The following HIVEP2 variants were observed in gnomAD, a reference collection of about 807,000 sequenced individuals.
The protein encoded by HIVEP2 is transcription factor HIVEP2.
In HIVEP2, 14 loss-of-function variants were observed where a neutral mutation model predicts 180.7. The ratio of observed to expected loss-of-function variants is 0.08; its 90% CI spans 0.05 to 0.12. HIVEP2 has a LOEUF of 0.12. Among genes scored for constraint, HIVEP2 ranks in the 10% least tolerant of loss-of-function variants. HIVEP2 has a pLI of 1.00. For synonymous variants in HIVEP2, 1,184 were observed against 1,136.4 expected (o/e 1.04, Z -0.84); for missense variants, 2,579 against 3,008.5 (o/e 0.86, Z 3.34).
Position 142,760,577 on chromosome 6 carries a change from T to C in HIVEP2, c.5711A>G (p.Asp1904Gly). Residue 1904 changes from aspartate to glycine, a missense_variant, in exon 9 of 10, where the codon GAT becomes GGT. This residue lies in a region of HIVEP2 where 660 missense variants were observed against 731.7 expected (regional missense o/e 0.90). Transcript: ENST00000367603. ...ATCATTATCATCTCCATCCTCACCATCTGATTCCTCAGCATCGGAGAACTG... is the reference window on the plus strand; with the variant it reads ...ATCATTATCATCTCCATCCTCACCACCTGATTCCTCAGCATCGGAGAACTG... ...DHQFSDAEESDGEDGDDNDDD... is the reference protein window; with the variant it reads ...DHQFSDAEESGGEDGDDNDDD... 1 of 1,613,516 alleles carries C rather than the reference T, an allele frequency of 6.2e-7. No homozygotes were observed. The highest frequency in any genetic ancestry group is 8.5e-7 in the Non-Finnish European group (1 of 1,179,456).
chr6:142,869,523 T>C (rs1776236022), intron 1 of HIVEP2, among the ~76,000 whole-genome samples: 2 of 152,146 alleles, frequency 1.3e-5, no homozygotes, highest in South Asian at 4.1e-4. Context: ...TTAAAATTTG[T>C]TTTCAGTATT....
At chr6:142,902,446 T>C (rs1409245494) in intron 1 of HIVEP2, among the ~76,000 whole-genome samples, 1 of 152,222 alleles carries the variant, frequency 6.6e-6, no homozygotes, top group Non-Finnish European at 1.5e-5. Context: ...ATATTAAATA[T>C]TTTTAAAGTG....
chr6:142,869,049 G>C (rs1237122973), intron 1 of HIVEP2, among the ~76,000 whole-genome samples: 15 of 152,124 alleles, frequency 9.9e-5, no homozygotes. Context: ...GGGGATATTT[G>C]GCAATGTCTG....
intron 1 of HIVEP2, among the ~76,000 whole-genome samples, chr6:142,869,973 C>A (rs1441562649): frequency 6.6e-6 from 1 of 152,028 alleles, no homozygotes; most frequent in African/African-American, 2.4e-5. Flanking sequence ...TCCAAAGTGG[C>A]CCTTCACAGA....
intron 1 of HIVEP2, among the ~76,000 whole-genome samples, chr6:142,929,032 G>A (rs189355031): frequency 1.3e-5 from 2 of 152,306 alleles, no homozygotes; most frequent in African/African-American, 4.8e-5. Context: ...TTTCCTGAAT[G>A]ATCTTACACC....
At chr6:142,832,077 A>T (rs1041549628) in intron 2 of HIVEP2, among the ~76,000 whole-genome samples, 3 of 151,956 alleles carry the variant, frequency 2.0e-5, no homozygotes, top group African/African-American at 7.3e-5. Context: ...CCTGTATACC[A>T]GCTACTAGGG....
At position 142,759,894 on chromosome 6, in the gene HIVEP2, T is replaced by C; in HGVS notation, c.6394A>G (p.Arg2132Gly). ...DITARRDLSP[R>G]RERRYMTTIR... The stretch of plus-strand genomic sequence containing the variant: ...GTGGTCATGTATCTTCTCTCTCTTC[T>C]AGGAGAGAGGTCTCTTCTTGCTGTG... Residue 2132 changes from arginine (R) to glycine (G), a missense_variant, in exon 9 of 10, where the codon AGA becomes GGA. Transcript: ENST00000367603. 1 of 1,614,106 alleles carries C rather than the reference T, an allele frequency of 6.2e-7. No individual in the cohort carries two copies. Among genetic ancestry groups the C allele is most frequent in the Non-Finnish European group, 8.5e-7 (1 of 1,179,964 alleles).
At chr6:142,883,865 T>A (rs1233673253) in intron 1 of HIVEP2, among the ~76,000 whole-genome samples, 2 of 152,208 alleles carry the variant, frequency 1.3e-5, no homozygotes, top group Non-Finnish European at 2.9e-5. Flanking sequence ...AATTTCAAAT[T>A]ATAAATTTCT....
chr6:142,762,913 A>G (rs1458145186), intron 7 of HIVEP2, among the ~76,000 whole-genome samples: 1 of 152,216 alleles, frequency 6.6e-6, no homozygotes, highest in African/African-American at 2.4e-5. Flanking sequence ...ACCATTTTTT[A>G]AAGAGCCCAA....
At chr6:142,907,449 G>T (rs1229226081) in intron 1 of HIVEP2, among the ~76,000 whole-genome samples, 1 of 152,066 alleles carries the variant, frequency 6.6e-6, no homozygotes, top group African/African-American at 2.4e-5. Flanking sequence ...GGGAAGAAAG[G>T]GTCAAAGCAA....
intron 6 of HIVEP2, among the ~76,000 whole-genome samples, chr6:142,766,282 A>C (rs1775378376): frequency 6.6e-6 from 1 of 152,232 alleles, no homozygotes; most frequent in Admixed American, 6.5e-5. Flanking sequence ...GAAACTATTC[A>C]AAACTATGAA....
intron 2 of HIVEP2, among the ~76,000 whole-genome samples, chr6:142,810,761 C>CAAAAAAAAAAAAAAAAA (rs60893476): frequency 9.9e-6 from 1 of 100,754 alleles, no homozygotes; most frequent in Non-Finnish European, 1.9e-5. Context: ...GACTCTGTCT[C>CAAAAAAAAAAAAAAAAA]AAAAAAAAAA....
At position 142,752,971 on chromosome 6, in the gene HIVEP2, A is replaced by T. The variant is rs1774956775; in HGVS notation, c.*136T>A. 1 of 623,812 alleles carries T rather than the reference A, an allele frequency of 1.6e-6. No individual in the cohort carries two copies. Among genetic ancestry groups the T allele is most frequent in the East Asian group, 2.7e-5 (1 of 36,712 alleles). The allele number at this position is 623,812 out of a possible 1,614,324, so 38.6% of individuals were successfully genotyped here. A position where few individuals can be genotyped will look rare whatever the true frequency, so the allele number is the denominator to read the frequency against. ...TGTTAATTTACCTAATTCTTTTGAT[A>T]TAACAAAAGTATATATAATAGCAAA... is the stretch of plus-strand genomic sequence containing the variant. On this transcript the variant is annotated 3_prime_UTR_variant, in exon 10 of 10. Transcript: ENST00000367603.
At chr6:142,780,748 T>C (rs1365834114) in intron 3 of HIVEP2, among the ~76,000 whole-genome samples, 1 of 152,182 alleles carries the variant, frequency 6.6e-6, no homozygotes, top group Non-Finnish European at 1.5e-5. Context: ...TTGGGAGGGT[T>C]TGAAAGTTTC....
intron 1 of HIVEP2, among the ~76,000 whole-genome samples, chr6:142,886,217 G>C (rs929487515): frequency 1.3e-5 from 2 of 152,220 alleles, no homozygotes; most frequent in Non-Finnish European, 2.9e-5. Context: ...AAATGAGTGA[G>C]TGAATGGATG....
rs780311968 is a variant in HIVEP2 at position 142,760,469 on chromosome 6, G to T, written c.5819C>A (p.Pro1940His). 1.1e-5 allele frequency: 18 copies of T among 1,614,166 alleles called. No homozygotes were observed. The highest frequency in any genetic ancestry group is 1.5e-5 in the Non-Finnish European group (18 of 1,180,030). ...KTRSRSTSPQPPRFSSLPVNV... is the reference protein window; with the variant it reads ...KTRSRSTSPQHPRFSSLPVNV... ...CACAGGCAAGGAGGAGAATCTAGGA[G>T]GCTGAGGACTGGTGCTTCTTGATCT... The change falls in exon 9 of 10, where the codon CCT becomes CAT. Residue 1940 changes from proline to histidine, a missense_variant. Physicochemically the swap from Pro to His is moderately conservative, Grantham distance 77. Transcript: ENST00000367603.
chr6:142,829,073 T>C (rs768730216), intron 2 of HIVEP2, among the ~76,000 whole-genome samples: 5 of 152,166 alleles, frequency 3.3e-5, no homozygotes, highest in Non-Finnish European at 7.4e-5. Flanking sequence ...GGTTTTCCAG[T>C]TCTTCTTGGT....
chr6:142,854,784 A>G (rs1562265597), intron 1 of HIVEP2, among the ~76,000 whole-genome samples: 1 of 152,080 alleles, frequency 6.6e-6, no homozygotes, highest in Non-Finnish European at 1.5e-5. Flanking sequence ...CCAAGCATCA[A>G]ATGACAACCC....
chr6:142,884,682 G>A (rs991263479), intron 1 of HIVEP2, among the ~76,000 whole-genome samples: 3 of 152,102 alleles, frequency 2.0e-5, no homozygotes, highest in African/African-American at 7.2e-5. Context: ...GAAAGAAAAG[G>A]AGGAGTTAGG....
Sources: allele counts gnomAD v4.1 joint callset (sites outside exome capture counted in the v4.1 genomes callset), GRCh38; gene constraint gnomAD v4.1.1; regional missense constraint gnomAD v4.1.1; transcripts MANE v1.5; gene names NCBI Gene and HGNC (gene_info 2026-07-23, HGNC 2026-07-21).